MAPKAP1: variants seen among roughly 807,000 people sequenced by gnomAD.
MAPKAP1 encodes the protein target of rapamycin complex 2 subunit MAPKAP1.
MAPKAP1 carries 20 observed loss-of-function variants against 65.7 expected under a neutral mutation model. The observed-to-expected ratio is 0.30, with a 90% CI of 0.21 to 0.44. MAPKAP1 has a LOEUF of 0.44. Ranked by LOEUF, MAPKAP1 falls within the 20% of genes least tolerant of loss-of-function variation. The pLI, the probability that MAPKAP1 is intolerant of heterozygous loss-of-function variation, is 1.00. For synonymous variants in MAPKAP1, 222 were observed against 244.3 expected, an observed-to-expected ratio of 0.91 and a Z score of 0.85; for missense variants, 423 against 648.0, an observed-to-expected ratio of 0.65 and a Z score of 3.77.
Position 125,464,218 on chromosome 9 carries a change from A to T in MAPKAP1, c.1345+3754T>A, listed in dbSNP as rs867058209. Among the ~76,000 whole-genome samples the T allele has an allele frequency of 3.0e-3, 452 of 150,358 alleles. 3 individuals are homozygous for T. Among genetic ancestry groups the T allele is most frequent in the Middle Eastern group, 6.8e-3 (2 of 292 alleles). ...GTCTCATATATTAAAAAAAAAAAAA[A>T]AAAAAAAAAAAAAAAGACCTGTATC... On this transcript the variant is annotated intron_variant, in intron 10 of 11. Coordinates refer to ENST00000265960, the MANE Select transcript of MAPKAP1 (RefSeq NM_001006617.3).
chr9:125,518,487 A>G (rs1219004127), intron 7 of MAPKAP1, among the ~76,000 whole-genome samples: 1 of 151,980 alleles, frequency 6.6e-6, no homozygotes, highest in Non-Finnish European at 1.5e-5. Flanking sequence ...GACCAGTGAA[A>G]CCTCGTCGCT....
chr9:125,680,387 T>C (rs932308944), intron 1 of MAPKAP1, among the ~76,000 whole-genome samples: 8 of 152,176 alleles, frequency 5.3e-5, no homozygotes, highest in South Asian at 4.1e-4. Context: ...TCGAAAATAA[T>C]TGAAGTGACC....
intron 5 of MAPKAP1, among the ~76,000 whole-genome samples, chr9:125,577,592 G>C (rs188419538): frequency 4.1e-4 from 28 of 68,362 alleles, no homozygotes; most frequent in South Asian, 8.4e-4. Flanking sequence ...CCTGCCAGCC[G>C]CCCCGTCCGG....
intron 7 of MAPKAP1, among the ~76,000 whole-genome samples, chr9:125,519,525 A>C (rs964860960): frequency 6.6e-6 from 1 of 151,746 alleles, no homozygotes; most frequent in Non-Finnish European, 1.5e-5. Context: ...GCTGCTTGGA[A>C]GGCTGAGGTG....
chr9:125,438,200 G>T lies in MAPKAP1; in HGVS notation c.*687C>A, dbSNP rs1376302659. 4.6e-5 allele frequency: 18 copies of T among 395,064 alleles called. No homozygotes were observed. Among genetic ancestry groups the T allele is most frequent in the Non-Finnish European group, 6.7e-5 (15 of 224,378 alleles). 24.5% of individuals were successfully genotyped at this position (395,064 alleles called of 1,614,324 possible). ...ACGCAGCTCCTGGGCTCTGAGGTCA[G>T]AAGCTGGGGTGTGCTGAAGGGGAAA... On this transcript the variant is annotated 3_prime_UTR_variant, in exon 12 of 12. Transcript: ENST00000265960.
chr9:125,689,583 C>CT (rs1554843816), intron 1 of MAPKAP1, among the ~76,000 whole-genome samples: 10 of 146,476 alleles, frequency 6.8e-5, no homozygotes, highest in East Asian at 6.1e-4. Context: ...CTCATCTCTA[C>CT]AAAAAATTAG....
chr9:125,491,915 G>A (rs1164812029), intron 8 of MAPKAP1, among the ~76,000 whole-genome samples: 1 of 151,506 alleles, frequency 6.6e-6, no homozygotes, highest in Non-Finnish European at 1.5e-5. Context: ...GCTTGGCCAG[G>A]TGCAGTGCCT....
At chr9:125,667,100 T>C (rs768776602) in intron 3 of MAPKAP1, among the ~76,000 whole-genome samples, 5 of 152,166 alleles carry the variant, frequency 3.3e-5, no homozygotes, top group Non-Finnish European at 7.3e-5. Flanking sequence ...ATGTCTACAA[T>C]GGACAGTATG....
intron 1 of MAPKAP1, among the ~76,000 whole-genome samples, chr9:125,697,746 CTTG>C (rs1326806148): frequency 6.6e-6 from 1 of 152,078 alleles, no homozygotes; most frequent in Non-Finnish European, 1.5e-5. Flanking sequence ...TTTTTAAAAG[CTTG>C]TTAATAAATA....
At chr9:125,450,640 G>C (rs1852910270) in intron 10 of MAPKAP1, among the ~76,000 whole-genome samples, 1 of 152,200 alleles carries the variant, frequency 6.6e-6, no homozygotes, top group African/African-American at 2.4e-5. Context: ...TTTGAGGCTT[G>C]GGATTCTTTC....
chr9:125,553,578 G>A (rs1033788844), intron 6 of MAPKAP1, among the ~76,000 whole-genome samples: 2 of 151,998 alleles, frequency 1.3e-5, no homozygotes, highest in Non-Finnish European at 2.9e-5. Flanking sequence ...AAGACGGAAA[G>A]AAAGAAAGAA....
intron 4 of MAPKAP1, among the ~76,000 whole-genome samples, chr9:125,635,023 G>A (rs1405280261): frequency 6.6e-6 from 1 of 152,144 alleles, no homozygotes; most frequent in Non-Finnish European, 1.5e-5. Context: ...TCTCCAGTTA[G>A]TCAACAAATA....
intron 9 of MAPKAP1, chr9:125,478,217 G>A (rs1291508355): frequency 6.6e-6 from 1 of 152,100 alleles, no homozygotes; most frequent in Non-Finnish European, 1.5e-5. Flanking sequence ...CACAGTACGT[G>A]GACATTCATC....
intron 1 of MAPKAP1, among the ~76,000 whole-genome samples, chr9:125,696,826 G>A (rs1036197655): frequency 1.3e-5 from 2 of 152,110 alleles, no homozygotes; most frequent in South Asian, 2.1e-4. Context: ...TTCATGAATC[G>A]CTGTTTGTGC....
At chr9:125,701,829 T>C (rs1835608663) in intron 1 of MAPKAP1, among the ~76,000 whole-genome samples, 1 of 152,324 alleles carries the variant, frequency 6.6e-6, no homozygotes, top group South Asian at 2.1e-4. Context: ...GCCAGATCTA[T>C]ACTTTAGCTT....
chr9:125,536,483 G>A (rs957005293), intron 7 of MAPKAP1, among the ~76,000 whole-genome samples: 10 of 152,186 alleles, frequency 6.6e-5, no homozygotes, highest in Admixed American at 5.9e-4. Context: ...CTATGCATGA[G>A]TGGCATCAGC....
chr9:125,505,350 G>A (rs1026305632), intron 8 of MAPKAP1, among the ~76,000 whole-genome samples: 2 of 152,114 alleles, frequency 1.3e-5, no homozygotes, highest in African/African-American at 2.4e-5. Flanking sequence ...GCTTGAACCT[G>A]GGAGGTGGAG....
chr9:125,446,035 T>C (rs978001044), intron 10 of MAPKAP1, among the ~76,000 whole-genome samples: 2 of 152,186 alleles, frequency 1.3e-5, no homozygotes, highest in South Asian at 2.1e-4. Context: ...TTTCTATTAG[T>C]CCTTCTCATC....
chr9:125,527,238 T>G (rs1019054981), intron 7 of MAPKAP1, among the ~76,000 whole-genome samples: 1 of 152,080 alleles, frequency 6.6e-6, no homozygotes, highest in East Asian at 1.9e-4. Flanking sequence ...AGCTAATTTT[T>G]TGTATTTTTA....
Sources: gnomAD v4.1 joint callset for allele counts (sites outside exome capture counted in the v4.1 genomes callset) on GRCh38, gnomAD v4.1.1 for gene constraint, MANE v1.5 for transcripts, NCBI Gene and HGNC (gene_info 2026-07-23, HGNC 2026-07-21) for gene names.